Variants in DNAH5 observed in about 807,000 individuals in gnomAD.
The protein encoded by DNAH5 is axonemal beta dynein heavy chain 5.
In DNAH5, 372 loss-of-function variants were observed where a neutral mutation model predicts 518.2. The observed-to-expected ratio is 0.72, with a 90% confidence interval of 0.66 to 0.78. The LOEUF is 0.78. Ranked by LOEUF, DNAH5 falls within the 30% of genes least tolerant of loss-of-function variation. DNAH5 has a pLI of 0.00. For synonymous variants in DNAH5, 2,039 were observed against 2,025.9 expected (o/e 1.01, Z -0.17); for missense variants, 5,523 against 5,687.0 (o/e 0.97, Z 0.93).
At chr5:13,729,218 A>G (rs1746167837) in intron 69 of DNAH5, among the ~76,000 whole-genome samples, 1 of 152,236 alleles carries the variant, frequency 6.6e-6, no homozygotes, top group Non-Finnish European at 1.5e-5. Flanking sequence ...GGCACTGGTT[A>G]AAGTTCCTGG....
intron 65 of DNAH5, among the ~76,000 whole-genome samples, chr5:13,737,779 T>A (rs1432933351): frequency 3.4e-5 from 5 of 145,798 alleles, no homozygotes; most frequent in Non-Finnish European, 7.5e-5. Flanking sequence ...CAAAAAAAAA[T>A]AGCTGGGCGT....
At chr5:13,942,611 C>T (rs185561735) in intron 1 of DNAH5, among the ~76,000 whole-genome samples, 15 of 152,302 alleles carry the variant, frequency 9.8e-5, no homozygotes, top group Admixed American at 6.5e-4. Flanking sequence ...CACCGTCAGT[C>T]GCTGATTGGG....
intron 1 of DNAH5, among the ~76,000 whole-genome samples, chr5:13,998,924 T>C (rs1376835773): frequency 6.6e-6 from 1 of 152,204 alleles, no homozygotes; most frequent in Non-Finnish European, 1.5e-5. Flanking sequence ...CAGGCTGGAG[T>C]GCAGTGGCTC....
intron 4 of DNAH5, 31 bp downstream of exon 4, chr5:13,923,249 T>C (rs1777496581): frequency 6.2e-7 from 1 of 1,613,980 alleles, no homozygotes; most frequent in African/African-American, 1.3e-5. Flanking sequence ...TTTTTGGTAA[T>C]TCAGAGTAAA....
chr5:13,889,195 TA>T (rs1445867607), intron 17 of DNAH5, among the ~76,000 whole-genome samples: 1 of 152,208 alleles, frequency 6.6e-6, no homozygotes, highest in African/African-American at 2.4e-5. Flanking sequence ...CTTTTAAATT[TA>T]AATTTAAAAC....
chr5:13,913,949 G>A lies in DNAH5; in HGVS notation c.1330C>T (p.Leu444Phe). The change falls in exon 11 of 79, where the codon CTC becomes TTC. Residue 444 changes from leucine to phenylalanine, a missense_variant. Physicochemically the swap from Leu to Phe is conservative, Grantham distance 22. Transcript: ENST00000265104. The part of the protein sequence containing the change: ...SAIKLKQEYQ[L>F]CFHKTKQKLK... ...TTTTGTTTTGTCTTGTGAAAGCAGA[G>A]CTGGTATTCCTTAAAATCAAAAGAA... 6.2e-7 allele frequency: 1 copy of A among 1,612,780 alleles called. No individual in the cohort carries two copies. Among genetic ancestry groups the A allele is most frequent in the Non-Finnish European group, 8.5e-7 (1 of 1,179,102 alleles).
intron 6 of DNAH5, among the ~76,000 whole-genome samples, chr5:13,919,615 A>T (rs1441442541): frequency 6.6e-6 from 1 of 152,168 alleles, no homozygotes; most frequent in Non-Finnish European, 1.5e-5. Flanking sequence ...GGGGGTTTTT[A>T]AAGATTTTTG....
At chr5:13,851,929 T>G (rs795518) in intron 30 of DNAH5, among the ~76,000 whole-genome samples, 1 of 151,222 alleles carries the variant, frequency 6.6e-6, no homozygotes, top group African/African-American at 2.4e-5. Flanking sequence ...GGAGGGCAAG[T>G]AGAAGCGGGG....
chr5:13,745,508 T>C (rs747568036), intron 65 of DNAH5, among the ~76,000 whole-genome samples: 11 of 152,120 alleles, frequency 7.2e-5, no homozygotes, highest in Non-Finnish European at 1.2e-4. Context: ...CTAGCAGATA[T>C]ACAACTGAAC....
chr5:13,847,655 C>T (rs180731016), intron 31 of DNAH5, among the ~76,000 whole-genome samples: 5 of 148,768 alleles, frequency 3.4e-5, no homozygotes, highest in East Asian at 4.0e-4. Context: ...ACCTGGGAGG[C>T]GGAGGCTGCA....
At chr5:13,859,633 G>C (rs1292580558) in intron 29 of DNAH5, 28 bp from the exon 30 acceptor site, 1 of 1,609,922 alleles carries the variant, frequency 6.2e-7, no homozygotes, top group Non-Finnish European at 8.5e-7. Context: ...TTTAGGGTTT[G>C]GTTTTGTTTT....
chr5:13,703,936 A>G (rs1742451362), intron 76 of DNAH5, among the ~76,000 whole-genome samples: 1 of 152,164 alleles, frequency 6.6e-6, no homozygotes, highest in Non-Finnish European at 1.5e-5. Context: ...CCTAATCCAG[A>G]AAGTCTAGAC....
intron 65 of DNAH5, among the ~76,000 whole-genome samples, chr5:13,747,032 T>A (rs1749452372): frequency 6.6e-6 from 1 of 151,860 alleles, no homozygotes. Context: ...ATGCTATCCC[T>A]CCCCTCTCCC....
chr5:13,836,782 T>C (rs1002929710), intron 35 of DNAH5, among the ~76,000 whole-genome samples: 2 of 152,170 alleles, frequency 1.3e-5, no homozygotes, highest in Non-Finnish European at 2.9e-5. Context: ...GAAGAGGGAA[T>C]TATGTTGGAT....
At chr5:13,976,404 G>C (rs1380310846) in intron 1 of DNAH5, among the ~76,000 whole-genome samples, 2 of 152,118 alleles carry the variant, frequency 1.3e-5, no homozygotes, top group African/African-American at 4.8e-5. Flanking sequence ...GTCCCAGCCA[G>C]GAGGTGAATC....
intron 55 of DNAH5, among the ~76,000 whole-genome samples, chr5:13,774,508 C>G (rs1245061725): frequency 6.6e-6 from 1 of 152,104 alleles, no homozygotes; most frequent in Non-Finnish European, 1.5e-5. Context: ...ATAAAGGAGG[C>G]TGTGGACGAG....
intron 1 of DNAH5, among the ~76,000 whole-genome samples, chr5:13,938,173 T>C (rs1779122397): frequency 6.6e-6 from 1 of 152,038 alleles, no homozygotes; most frequent in Non-Finnish European, 1.5e-5. Context: ...CCATTAACCA[T>C]CAACATCATC....
At chr5:13,967,623 T>A (rs1781610934) in intron 1 of DNAH5, among the ~76,000 whole-genome samples, 1 of 152,190 alleles carries the variant, frequency 6.6e-6, no homozygotes, top group African/African-American at 2.4e-5. Context: ...GCCTCCAGAT[T>A]TGTTTTTTTG....
rs763041865 is a variant in DNAH5, at chr5:13,823,319, T to G, written c.6631A>C (p.Asn2211His). The G allele has an allele frequency of 6.2e-7, 1 of 1,614,036 alleles. No individual in the cohort carries two copies. The highest frequency in any genetic ancestry group is 1.1e-5 in the South Asian group (1 of 91,076). The change falls in exon 40 of 79, where the codon AAT becomes CAT. Residue 2211 changes from asparagine to histidine, a missense_variant. By Grantham distance (68) the Asn-to-His change is moderately conservative. Around this residue, in one of 3 missense-constraint regions of DNAH5, gnomAD observed 5,121 missense variants for 5,223.3 expected, o/e 0.98. Coordinates refer to ENST00000265104, the MANE Select transcript of DNAH5 (RefSeq NM_001369.3). ...FLSLIEDLFP[N>H]ILLDKAGYPE... The stretch of plus-strand genomic sequence containing the variant: ...TAACCTGCCTTGTCCAGAAGAATAT[T>G]TGGAAAGAGATCTTCAATCAAACTC...
Sources: gnomAD v4.1 joint callset for allele counts (sites outside exome capture counted in the v4.1 genomes callset) on GRCh38, gnomAD v4.1.1 for gene constraint, gnomAD v4.1.1 regional missense constraint, MANE v1.5 for transcripts, NCBI Gene and HGNC (gene_info 2026-07-23, HGNC 2026-07-21) for gene names.